Variants in PDSS2 observed in about 807,000 individuals in gnomAD.
PDSS2 encodes the protein decaprenyl diphosphate synthase subunit 2, also known as all trans-polyprenyl-diphosphate synthase PDSS2.
A neutral mutation model predicts 44.5 loss-of-function variants in PDSS2; 31 were observed. The ratio of observed to expected loss-of-function variants is 0.70; its 90% CI spans 0.52 to 0.94. The LOEUF (loss-of-function observed/expected upper bound fraction) is 0.94. PDSS2 is among the 40% of genes least tolerant of loss of function. The probability of loss-of-function intolerance (pLI) is 0.00; values close to 1 mark genes in which losing one functional copy is unlikely to be tolerated. For missense variants in PDSS2, 452 were observed against 482.2 expected (o/e 0.94, Z 0.59); for synonymous variants, 157 against 180.3 (o/e 0.87, Z 1.03).
intron 1 of PDSS2, among the ~76,000 whole-genome samples, chr6:107,450,206 G>T (rs916251511): frequency 6.6e-6 from 1 of 152,114 alleles, no homozygotes; most frequent in African/African-American, 2.4e-5. Flanking sequence ...GTAGCATTTC[G>T]TTGTTATGTA....
At chr6:107,279,981 G>A (rs1178208177) in intron 2 of PDSS2, among the ~76,000 whole-genome samples, 1 of 152,078 alleles carries the variant, frequency 6.6e-6, no homozygotes, top group Non-Finnish European at 1.5e-5. Flanking sequence ...CAATGCACTG[G>A]ATTTTTAAAA....
intron 1 of PDSS2, among the ~76,000 whole-genome samples, chr6:107,421,617 T>C (rs1192113194): frequency 1.3e-5 from 2 of 151,884 alleles, no homozygotes; most frequent in Admixed American, 1.3e-4. Flanking sequence ...TTCTATAACA[T>C]TTCAAAAGAC....
intron 3 of PDSS2, among the ~76,000 whole-genome samples, chr6:107,256,191 G>A (rs1199098063): frequency 2.6e-5 from 4 of 151,872 alleles, no homozygotes; most frequent in African/African-American, 4.8e-5. Flanking sequence ...GGTTTTCACC[G>A]TGTTGCCCAG....
chr6:107,415,315 A>C (rs1780623817), intron 1 of PDSS2, among the ~76,000 whole-genome samples: 2 of 152,100 alleles, frequency 1.3e-5, no homozygotes, highest in Admixed American at 1.3e-4. Context: ...GAACAAAAAA[A>C]ATTTTTTTTT....
chr6:107,328,551 C>T (rs1190562388), intron 2 of PDSS2, among the ~76,000 whole-genome samples: 1 of 152,166 alleles, frequency 6.6e-6, no homozygotes, highest in Non-Finnish European at 1.5e-5. Flanking sequence ...GCTGGGTTTA[C>T]AGGTGTGAGC....
intron 7 of PDSS2, among the ~76,000 whole-genome samples, chr6:107,188,350 A>G (rs1772249171): frequency 1.3e-5 from 2 of 151,702 alleles, no homozygotes; most frequent in African/African-American, 4.8e-5. Context: ...CTGCACTCCA[A>G]TTTGGGTGAC....
At chr6:107,452,908 G>A (rs2114865269) in intron 1 of PDSS2, among the ~76,000 whole-genome samples, 1 of 150,714 alleles carries the variant, frequency 6.6e-6, no homozygotes, top group African/African-American at 2.4e-5. Context: ...CTTGTGATCT[G>A]CCCGCCTCGG....
intron 1 of PDSS2, among the ~76,000 whole-genome samples, chr6:107,451,393 T>C (rs1781861924): frequency 6.6e-6 from 1 of 152,110 alleles, no homozygotes; most frequent in African/African-American, 2.4e-5. Flanking sequence ...AAACCCCTCG[T>C]GGCCTTTGGA....
chr6:107,264,520 G>GAA, intron 3 of PDSS2: 4 of 1,444,898 alleles, frequency 2.8e-6, no homozygotes, highest in South Asian at 1.3e-5. Context: ...TGACTACAAA[G>GAA]AAAAAAAAAT....
chr6:107,291,823 G>A (rs765127481), intron 2 of PDSS2, among the ~76,000 whole-genome samples: 4 of 151,834 alleles, frequency 2.6e-5, no homozygotes, highest in Non-Finnish European at 5.9e-5. Context: ...AGACCAGCCT[G>A]GGCAACATAG....
chr6:107,197,582 A>G (rs1772612437), intron 6 of PDSS2, among the ~76,000 whole-genome samples: 2 of 150,972 alleles, frequency 1.3e-5, no homozygotes, highest in Admixed American at 6.6e-5. Context: ...GTTGATGGGG[A>G]GAAATCCTTG....
intron 4 of PDSS2, among the ~76,000 whole-genome samples, chr6:107,219,854 A>G (rs1029475477): frequency 6.6e-5 from 10 of 152,212 alleles, no homozygotes; most frequent in African/African-American, 2.4e-4. Flanking sequence ...CTGTTGCATT[A>G]TTAAGTAGAT....
At chr6:107,417,755 AT>A (rs1780705618) in intron 1 of PDSS2, among the ~76,000 whole-genome samples, 1 of 147,222 alleles carries the variant, frequency 6.8e-6, no homozygotes, top group Non-Finnish European at 1.5e-5. Flanking sequence ...GTGAGACCCT[AT>A]CTTCAAAAAA....
chr6:107,179,246 C>T (rs1465031454), intron 7 of PDSS2, among the ~76,000 whole-genome samples: 2 of 152,044 alleles, frequency 1.3e-5, no homozygotes, highest in African/African-American at 4.8e-5. Flanking sequence ...TTCAGAGGTA[C>T]AGCTTTGGTT....
At chr6:107,191,301 G>A (rs76376876) in intron 7 of PDSS2, among the ~76,000 whole-genome samples, 2 of 152,318 alleles carry the variant, frequency 1.3e-5, no homozygotes, top group African/African-American at 2.4e-5. Context: ...AGTGGAGACT[G>A]AGCAGTAGGT....
At chr6:107,425,960 C>T (rs868055341) in intron 1 of PDSS2, among the ~76,000 whole-genome samples, 3 of 135,058 alleles carry the variant, frequency 2.2e-5, no homozygotes, top group African/African-American at 5.6e-5. Flanking sequence ...GACTTCGTCT[C>T]GAAAAAAAAA....
chr6:107,235,458 G>C (rs535958089), intron 4 of PDSS2, among the ~76,000 whole-genome samples: 2 of 152,118 alleles, frequency 1.3e-5, no homozygotes, highest in African/African-American at 4.8e-5. Flanking sequence ...GAAAGGTCTC[G>C]CTTTAATAGT....
At chr6:107,371,850 T>G (rs976522446) in intron 1 of PDSS2, among the ~76,000 whole-genome samples, 11 of 152,236 alleles carry the variant, frequency 7.2e-5, no homozygotes, top group Non-Finnish European at 1.5e-4. Flanking sequence ...GTTCCTATTC[T>G]AATGCTGGCA....
intron 7 of PDSS2, among the ~76,000 whole-genome samples, chr6:107,181,889 CA>C (rs35752637): frequency 0.5 from 55,385 of 111,570 alleles, 10,166 homozygotes; most frequent in East Asian, 0.72. Flanking sequence ...GACTCTGTCT[CA>C]AAAAAAAAAA....
Sources: gnomAD v4.1 joint callset for allele counts (sites outside exome capture counted in the v4.1 genomes callset) on GRCh38, gnomAD v4.1.1 for gene constraint, MANE v1.5 for transcripts, NCBI Gene and HGNC (gene_info 2026-07-23, HGNC 2026-07-21) for gene names.